The following PM20D2 variants were observed in gnomAD, a reference collection of about 807,000 sequenced individuals.
PM20D2 encodes peptidase M20 domain containing 2, also known as xaa-Arg dipeptidase.
PM20D2 carries 33 observed loss-of-function variants against 42.9 expected under a neutral mutation model. That is an observed-to-expected ratio of 0.77 (90% CI 0.58 to 1.03). PM20D2 has a LOEUF of 1.03. PM20D2 is among the 50% of genes least tolerant of loss of function. PM20D2 has a pLI of 0.00. For synonymous variants in PM20D2, 250 were observed against 228.2 expected, an observed-to-expected ratio of 1.10 and a Z score of -0.86; for missense variants, 548 against 557.0, an observed-to-expected ratio of 0.98 and a Z score of 0.16.
intron 1 of PM20D2, among the ~76,000 whole-genome samples, chr6:89,147,979 CTTTTTTTTTTTTTT>C (rs397888770): frequency 1.1e-5 from 1 of 95,178 alleles, no homozygotes; most frequent in Non-Finnish European, 2.0e-5. Context: ...AATGTACACT[CTTTTTTTTTTTTTT>C]TTTTTTTTGA....
At chr6:89,099,444 ATATATATGTGTG>A in the PM20D2 span, among the ~76,000 whole-genome samples, 8 of 89,782 alleles carry the variant, frequency 8.9e-5, no homozygotes, top group Non-Finnish European at 9.1e-5. Context: ...ATATATACAC[ATATATATGTGTG>A]TATATATGTG....
chr6:89,126,681 A>AAG, the PM20D2 span, among the ~76,000 whole-genome samples: 1 of 151,486 alleles, frequency 6.6e-6, no homozygotes, highest in Admixed American at 6.6e-5. Flanking sequence ...AAAAAAAAAA[A>AAG]AAAAAAAGGA....
At chr6:89,121,962 T>C in the PM20D2 span, among the ~76,000 whole-genome samples, 1 of 152,230 alleles carries the variant, frequency 6.6e-6, no homozygotes, top group Non-Finnish European at 1.5e-5. Flanking sequence ...AACTTTTTCA[T>C]TGGAATCACG....
the PM20D2 span, among the ~76,000 whole-genome samples, chr6:89,137,193 TAGAA>T: frequency 3.3e-5 from 5 of 152,088 alleles, no homozygotes; most frequent in African/African-American, 4.8e-5. Context: ...GTGAAGCTAA[TAGAA>T]AGTCCAAAAT....
intron 1 of PM20D2, 90 bp from the exon 2 acceptor site, chr6:89,149,175 T>A (rs1770738916): frequency 7.5e-6 from 11 of 1,462,020 alleles, no homozygotes; most frequent in Non-Finnish European, 1.0e-5. Flanking sequence ...GACTTTAATG[T>A]AGATTGTGAA....
At chr6:89,138,115 A>G in the PM20D2 span, among the ~76,000 whole-genome samples, 2 of 149,186 alleles carry the variant, frequency 1.3e-5, no homozygotes, top group Non-Finnish European at 3.0e-5. Flanking sequence ...AGGTCTCACT[A>G]TATTTCCTAT....
chr6:89,107,374 C>T, the PM20D2 span: 5 of 725,212 alleles, frequency 6.9e-6, no homozygotes, highest in African/African-American at 1.8e-5. Context: ...CCAGCATTAT[C>T]TAAAATTGTT....
At chr6:89,099,078 C>T in the PM20D2 span, 4 of 1,162,836 alleles carry the variant, frequency 3.4e-6, no homozygotes, top group South Asian at 1.8e-5. Context: ...AAAAATTTCT[C>T]ATTTTATTAT....
At chr6:89,138,168 T>G in the PM20D2 span, among the ~76,000 whole-genome samples, 2 of 152,032 alleles carry the variant, frequency 1.3e-5, no homozygotes, top group Admixed American at 6.6e-5. Context: ...CAAGCCATTC[T>G]CCTGCCTTGG....
the PM20D2 span, among the ~76,000 whole-genome samples, chr6:89,135,601 T>C: frequency 6.6e-6 from 1 of 150,962 alleles, no homozygotes; most frequent in East Asian, 1.9e-4. Context: ...TTCCAGTGAG[T>C]GACATGTTAT....
Position 89,164,635 on chromosome 6 carries a change from G to A in PM20D2, c.*2372G>A, listed in dbSNP as rs1213182899. On this transcript the variant is annotated 3_prime_UTR_variant, in exon 7 of 7. Transcript: ENST00000275072. ...TAAAACTATATAATCCTTAGATTTA[G>A]GAAAGCAATCAGTTAATGTCTTTAG... 2.6e-5 allele frequency: 4 copies of A among 152,298 alleles called. No individual in the cohort carries two copies. The highest frequency in any genetic ancestry group is 2.1e-4 in the South Asian group (1 of 4,824). The allele number at this position is 152,298 out of a possible 1,614,324, so 9.4% of individuals were successfully genotyped here. A position where few individuals can be genotyped will look rare whatever the true frequency, so the allele number is the denominator to read the frequency against.
rs945428174 is a variant in PM20D2 at position 89,152,959 on chromosome 6, G to A, written c.615-84G>A. The A allele has an allele frequency of 1.1e-5, 12 of 1,087,794 alleles. No homozygotes were observed. In the African/African-American group the frequency reaches 1.6e-4, roughly 14 times the overall value. 67.4% of individuals were successfully genotyped at this position (1,087,794 alleles called of 1,614,324 possible). A position where few individuals can be genotyped will look rare whatever the true frequency, so the allele number is the denominator to read the frequency against. On this transcript the variant is annotated intron_variant, in intron 2 of 6. Transcript: ENST00000275072. ...CAGCAATGTGAATTAATTTTGAATA[G>A]TAGTTGGGTAATTCTGACTACCTGG...
chr6:89,100,516 T>A, the PM20D2 span, among the ~76,000 whole-genome samples: 1 of 76,892 alleles, frequency 1.3e-5, no homozygotes. Context: ...TGTCCACATG[T>A]TATGTTAAAA....
At chr6:89,152,852 A>G (rs1770899527) in intron 2 of PM20D2, among the ~76,000 whole-genome samples, 191 bp from the exon 3 acceptor site, 2 of 152,220 alleles carry the variant, frequency 1.3e-5, no homozygotes, top group South Asian at 4.1e-4. Context: ...TGTGTCAAGC[A>G]CTATGTTACC....
the PM20D2 span, among the ~76,000 whole-genome samples, chr6:89,121,053 TACAG>T: frequency 1.3e-5 from 2 of 152,310 alleles, no homozygotes; most frequent in East Asian, 3.9e-4. Flanking sequence ...CAAAGCTCTT[TACAG>T]TTTGAAAAAA....
At chr6:89,149,185 A>G (rs1202324309) in intron 1 of PM20D2, 80 bp from the exon 2 acceptor site, 23 of 1,498,274 alleles carry the variant, frequency 1.5e-5, no homozygotes, top group East Asian at 2.3e-5. Flanking sequence ...TAGATTGTGA[A>G]TACATATGCA....
At chr6:89,094,075 C>G in the PM20D2 span, among the ~76,000 whole-genome samples, 1 of 151,274 alleles carries the variant, frequency 6.6e-6, no homozygotes, top group Admixed American at 6.6e-5. Context: ...TGCCCACCAC[C>G]ATGCCTGGCT....
chr6:89,146,682 T>A, intron 1 of PM20D2, 73 bp downstream of exon 1: 1 of 1,221,972 alleles, frequency 8.2e-7, no homozygotes, highest in Non-Finnish European at 1.1e-6. Flanking sequence ...GGCGGGACTC[T>A]CGTGCGTCCC....
At chr6:89,098,439 A>C in the PM20D2 span, 6 of 1,106,104 alleles carry the variant, frequency 5.4e-6, no homozygotes, top group Non-Finnish European at 7.3e-6. Context: ...ATCCAAAGCT[A>C]GAGATTTTAT....
Sources: gnomAD v4.1 joint callset for allele counts (sites outside exome capture counted in the v4.1 genomes callset) on GRCh38, gnomAD v4.1.1 for gene constraint, MANE v1.5 for transcripts, NCBI Gene and HGNC (gene_info 2026-07-23, HGNC 2026-07-21) for gene names.